ARF1: variants seen among roughly 807,000 people sequenced by gnomAD.
ARF1 encodes ARF GTPase 1, also known as ADP-ribosylation factor 1.
ARF1 carries 1 observed loss-of-function variant against 18.0 expected under a neutral mutation model. The ratio of observed to expected loss-of-function variants is 0.06; its 90% CI spans 0.02 to 0.26. The LOEUF (loss-of-function observed/expected upper bound fraction) is 0.26, where lower values mean the gene tolerates loss of function less well. Ranked by LOEUF, ARF1 falls within the 10% of genes least tolerant of loss-of-function variation. The pLI is 1.00. For missense variants in ARF1, 73 were observed against 247.2 expected (o/e 0.30, Z 4.73); for synonymous variants, 112 against 96.3 (o/e 1.16, Z -0.95).
At chr1:228,096,742 G>T (rs981800011) in intron 1 of ARF1, among the ~76,000 whole-genome samples, 41 of 152,316 alleles carry the variant, frequency 2.7e-4, no homozygotes, top group African/African-American at 9.6e-4. Flanking sequence ...CTGTGTTGGG[G>T]TGTAGAGGAG....
At chr1:228,095,156 T>C (rs2032701087) in intron 1 of ARF1, among the ~76,000 whole-genome samples, 1 of 152,208 alleles carries the variant, frequency 6.6e-6, no homozygotes, top group Non-Finnish European at 1.5e-5. Flanking sequence ...GTTTCTCTCC[T>C]TGTCCTTTGT....
Position 228,098,025 on chromosome 1 carries a change from C to T in ARF1, c.*12C>T. 1 of 1,603,046 alleles carries T rather than the reference C, an allele frequency of 6.2e-7. No individual in the cohort carries two copies. Among genetic ancestry groups the T allele is most frequent in the Non-Finnish European group, 8.5e-7 (1 of 1,172,500 alleles). ...GGAACCAGAAGTGAACGCGACCCCC[C>T]TCCCTCTCACTCCTCTTGCCCTCTG... On this transcript the variant is annotated 3_prime_UTR_variant, in exon 5 of 5. Transcript: ENST00000272102.
intron 1 of ARF1, among the ~76,000 whole-genome samples, chr1:228,095,666 C>A (rs761929895): frequency 8.5e-5 from 13 of 152,200 alleles, no homozygotes; most frequent in Non-Finnish European, 1.6e-4. Flanking sequence ...TCCCTTGGGT[C>A]CCAGGCGGTC....
Position 228,097,658 on chromosome 1 carries a change from G to A in ARF1, c.327G>A (p.Arg109=). 6.2e-7 allele frequency: 1 copy of A among 1,614,116 alleles called. No individual in the cohort carries two copies. The highest frequency in any genetic ancestry group is 8.5e-7 in the Non-Finnish European group (1 of 1,179,982). ...RVNEAREELM[R]MLAEDELRDA... ...ACGAGGCCCGTGAGGAGCTCATGAG[G>A]ATGCTGGCCGAGGACGAGCTCCGGG... is the stretch of plus-strand genomic sequence containing the variant. Residue 109 remains arginine, a synonymous_variant, in exon 4 of 5, where the codon AGG becomes AGA. Transcript: ENST00000272102. This position sits in a 1 kb window ranked among gnomAD's most constrained non-coding sequence, Gnocchi z 8.1.
chr1:228,092,402 C>A (rs1273326646), intron 1 of ARF1, among the ~76,000 whole-genome samples: 1 of 152,158 alleles, frequency 6.6e-6, no homozygotes, highest in Non-Finnish European at 1.5e-5. Flanking sequence ...GGGCTGTGAT[C>A]GAACCACTGA....
Position 228,097,091 on chromosome 1 carries a change from G to T in ARF1, c.-24G>T, listed in dbSNP as rs762183426. On this transcript the variant is annotated 5_prime_UTR_variant, in exon 2 of 5. Coordinates refer to ENST00000272102, the MANE Select transcript of ARF1 (RefSeq NM_001658.4). The surrounding 1 kb of genome is among the most constrained non-coding windows in gnomAD (Gnocchi z 8.1). ...TTGTCTCTCCAGGTGTCCCTGGCCA[G>T]TGTCCTTCCACCTGTCCACAAGCAT... 5 of 1,577,116 alleles carry T rather than the reference G, an allele frequency of 3.2e-6. No individual in the cohort carries two copies. The highest frequency in any genetic ancestry group is 1.2e-5 in the South Asian group (1 of 83,954).
Position 228,083,882 on chromosome 1 carries a change from G to T in ARF1, c.-38+1117G>T, listed in dbSNP as rs147571768. On this transcript the variant is annotated intron_variant, in intron 1 of 4. Coordinates refer to ENST00000272102, the MANE Select transcript of ARF1 (RefSeq NM_001658.4). Reference sequence around the variant, plus strand: ...GAGCAGAAATGCACTCGGAATCGCGGGCAGGAAAAGAAGGGAGGTCGGAGG... The same window carrying T: ...GAGCAGAAATGCACTCGGAATCGCGTGCAGGAAAAGAAGGGAGGTCGGAGG... Among the ~76,000 whole-genome samples the T allele has an allele frequency of 9.3e-3, 1,411 of 152,352 alleles. 6 individuals carry two copies. The highest frequency in any genetic ancestry group is 0.016 in the Non-Finnish European group (1,093 of 68,036).
chr1:228,086,697 G>A (rs567212242), intron 1 of ARF1, among the ~76,000 whole-genome samples: 1 of 152,242 alleles, frequency 6.6e-6, no homozygotes, highest in South Asian at 2.1e-4. Flanking sequence ...ACCGCCCACT[G>A]CATCTCTCCA....
intron 1 of ARF1, among the ~76,000 whole-genome samples, chr1:228,087,646 A>C (rs1333980320): frequency 6.6e-6 from 1 of 151,016 alleles, no homozygotes; most frequent in Non-Finnish European, 1.5e-5. Context: ...TTAGCTCTTA[A>C]AAAAATTTAT....
Position 228,098,845 on chromosome 1 carries a change from T to A in ARF1, c.*832T>A, listed in dbSNP as rs2032853694. The A allele has an allele frequency of 6.6e-6, 1 of 152,662 alleles. No homozygotes were observed. Among genetic ancestry groups the A allele is most frequent in the Non-Finnish European group, 1.5e-5 (1 of 68,060 alleles). 9.5% of individuals were successfully genotyped at this position (152,662 alleles called of 1,614,324 possible). On this transcript the variant is annotated 3_prime_UTR_variant, in exon 5 of 5. Transcript: ENST00000272102. ...CTCGCTCAGACACTTTGGCAGGATG[T>A]CTGGGGCCTCACCAGCAGGAGCGCG...
chr1:228,086,613 G>A (rs2032410856), intron 1 of ARF1, among the ~76,000 whole-genome samples: 1 of 152,196 alleles, frequency 6.6e-6, no homozygotes, highest in Admixed American at 6.5e-5. Context: ...CTTCCAGAAA[G>A]CTGAATTCAT....
chr1:228,094,574 C>T lies in ARF1; in HGVS notation c.-37-2504C>T, dbSNP rs74140956. On this transcript the variant is annotated intron_variant, in intron 1 of 4. Coordinates refer to ENST00000272102, the MANE Select transcript of ARF1 (RefSeq NM_001658.4). ...CCCCATTCTTGCAGGTGTCCACTTCCTGCTCCAGTCTGAGGGGGTTGGCTA... is the reference window on the plus strand; with the variant it reads ...CCCCATTCTTGCAGGTGTCCACTTCTTGCTCCAGTCTGAGGGGGTTGGCTA... Among the ~76,000 whole-genome samples the T allele has an allele frequency of 6.8e-3, 1,039 of 152,208 alleles. 7 individuals are homozygous for T. Among genetic ancestry groups the T allele is most frequent in the African/African-American group, 0.021 (863 of 41,536 alleles).
Position 228,098,172 on chromosome 1 carries a change from C to A in ARF1, c.*159C>A. On this transcript the variant is annotated 3_prime_UTR_variant, in exon 5 of 5. Transcript: ENST00000272102. ...GTGGCAGACGCAGCCTGCGGCCAGG[C>A]TTTTTATTTAATGTAAATAGTTTTT... 1 of 826,826 alleles carries A rather than the reference C, an allele frequency of 1.2e-6. No homozygotes were observed. The highest frequency in any genetic ancestry group is 1.8e-6 in the Non-Finnish European group (1 of 562,952). The allele number at this position is 826,826 out of a possible 1,614,324, so 51.2% of individuals were successfully genotyped here. A position where few individuals can be genotyped will look rare whatever the true frequency, so the allele number is the denominator to read the frequency against.
rs548867962 is a variant in ARF1 at position 228,098,565 on chromosome 1, C to T, written c.*552C>T. 6.5e-6 allele frequency: 1 copy of T among 152,990 alleles called. No homozygotes were observed. The highest frequency in any genetic ancestry group is 1.5e-5 in the Non-Finnish European group (1 of 68,226). The allele number at this position is 152,990 out of a possible 1,614,324, so 9.5% of individuals were successfully genotyped here. A position where few individuals can be genotyped will look rare whatever the true frequency, so the allele number is the denominator to read the frequency against. ...GGAACATGAGGTGGTGGTGGCGCAG[C>T]AGACTGCGATCAATTCTGCATGGTC... On this transcript the variant is annotated 3_prime_UTR_variant, in exon 5 of 5. Transcript: ENST00000272102.
chr1:228,096,596 G>C (rs1055421404), intron 1 of ARF1: 1 of 153,516 alleles, frequency 6.5e-6, no homozygotes. Flanking sequence ...CATGGCGGGC[G>C]TGCCCCATCG....
rs1188537679 is a variant in ARF1, at chr1:228,089,462, G to T, written c.-38+6697G>T. On this transcript the variant is annotated intron_variant, in intron 1 of 4. Coordinates refer to ENST00000272102, the MANE Select transcript of ARF1 (RefSeq NM_001658.4). The surrounding 1 kb of genome is among the most constrained non-coding windows in gnomAD (Gnocchi z 4.1). ...GTCCCAAAGCTGGGGGAAACCTGGT[G>T]ATGGTTCCCACTCCCATTGTTGCAC... 6.6e-6 allele frequency among the ~76,000 whole-genome samples: 1 copy of T among 152,216 alleles called. No individual in the cohort carries two copies. Among genetic ancestry groups the T allele is most frequent in the East Asian group, 1.9e-4 (1 of 5,192 alleles).
At position 228,098,405 on chromosome 1, in the gene ARF1, C is replaced by A; in HGVS notation, c.*392C>A. The A allele has an allele frequency of 6.2e-6, 1 of 160,568 alleles. No homozygotes were observed. The highest frequency in any genetic ancestry group is 1.4e-5 in the Non-Finnish European group (1 of 73,590). The allele number at this position is 160,568 out of a possible 1,614,324, so 9.9% of individuals were successfully genotyped here. A position where few individuals can be genotyped will look rare whatever the true frequency, so the allele number is the denominator to read the frequency against. On this transcript the variant is annotated 3_prime_UTR_variant, in exon 5 of 5. Transcript: ENST00000272102. Reference sequence around the variant, plus strand: ...TCCATTTTGGTGGTTGGTTTTTAACCCAAACTCAGTGCATTTTTTAAAATA... The same window carrying A: ...TCCATTTTGGTGGTTGGTTTTTAACACAAACTCAGTGCATTTTTTAAAATA...
At position 228,091,616 on chromosome 1, in the gene ARF1, C is replaced by G. The variant is rs2124849499; in HGVS notation, c.-37-5462C>G. 1.3e-5 allele frequency among the ~76,000 whole-genome samples: 2 copies of G among 152,276 alleles called. 1 individual carries two copies. On this transcript the variant is annotated intron_variant, in intron 1 of 4. Coordinates refer to ENST00000272102, the MANE Select transcript of ARF1 (RefSeq NM_001658.4). ...CATGTGTCTTCCCCTCTGAGCATGC[C>G]TTTTGATTCGCACCTGTGTCACAAT...
At chr1:228,083,597 A>C (rs1369624447) in intron 1 of ARF1, 2 of 152,290 alleles carry the variant, frequency 1.3e-5, no homozygotes, top group African/African-American at 2.4e-5. Flanking sequence ...CGTTGTCGGC[A>C]GTAGATAAGA....
Sources: allele counts gnomAD v4.1 joint callset (sites outside exome capture counted in the v4.1 genomes callset), GRCh38; gene constraint gnomAD v4.1.1; non-coding constraint Gnocchi (gnomAD v3.1); transcripts MANE v1.5; gene names NCBI Gene and HGNC (gene_info 2026-07-23, HGNC 2026-07-21).